The following CLIC5 variants were observed in gnomAD, a reference collection of about 807,000 sequenced individuals.
CLIC5 encodes CLIC family member 5, also known as chloride intracellular channel protein 5.
CLIC5 carries 20 observed loss-of-function variants against 24.7 expected under a neutral mutation model. The observed-to-expected ratio is 0.81, with a 90% CI of 0.57 to 1.18. The LOEUF (loss-of-function observed/expected upper bound fraction) is 1.18. Ranked by LOEUF, CLIC5 falls within the 50% of genes most tolerant of loss-of-function variation. CLIC5 has a pLI of 0.00. For synonymous variants in CLIC5, 159 were observed against 135.6 expected (o/e 1.17, Z -1.20); for missense variants, 341 against 326.1 (o/e 1.05, Z -0.35).
At chr6:46,108,110 G>A in the CLIC5 span, among the ~76,000 whole-genome samples, 12 of 149,068 alleles carry the variant, frequency 8.1e-5, no homozygotes, top group African/African-American at 2.5e-4. Context: ...ATTATAAGAC[G>A]TTAAAAAGGG....
chr6:45,939,217 CTTTTTTT>C (rs34976541), intron 4 of CLIC5, among the ~76,000 whole-genome samples: 58 of 115,790 alleles, frequency 5.0e-4, no homozygotes, highest in African/African-American at 1.2e-3. Flanking sequence ...CTCCTCTCCT[CTTTTTTT>C]TTTTTTTTTT....
chr6:46,049,353 G>A (rs1768041505), intron 1 of CLIC5, among the ~76,000 whole-genome samples: 1 of 152,154 alleles, frequency 6.6e-6, no homozygotes, highest in African/African-American at 2.4e-5. Flanking sequence ...GCTCAAAAAT[G>A]TCCCTGTGAT....
intron 1 of CLIC5, among the ~76,000 whole-genome samples, chr6:45,992,285 T>A (rs982276689): frequency 6.6e-6 from 1 of 152,222 alleles, no homozygotes; most frequent in African/African-American, 2.4e-5. Context: ...TCTAGTGAAA[T>A]GAATTGTTGA....
chr6:45,907,673 G>C (rs1027143113), intron 5 of CLIC5, among the ~76,000 whole-genome samples: 11 of 151,928 alleles, frequency 7.2e-5, no homozygotes, highest in African/African-American at 2.4e-4. Flanking sequence ...CTGGTTGGTA[G>C]GTTTTTTTAA....
chr6:45,986,339 G>A (rs1053956154), intron 1 of CLIC5, among the ~76,000 whole-genome samples: 2 of 152,162 alleles, frequency 1.3e-5, no homozygotes, highest in African/African-American at 4.8e-5. Flanking sequence ...CAGATGGTGA[G>A]GAGCACTAGG....
At chr6:46,097,769 A>G in the CLIC5 span, among the ~76,000 whole-genome samples, 1 of 152,346 alleles carries the variant, frequency 6.6e-6, no homozygotes, top group African/African-American at 2.4e-5. Context: ...CATATCTACA[A>G]TTCTCTATAT....
At chr6:45,915,207 T>G (rs1453421848) in intron 4 of CLIC5, among the ~76,000 whole-genome samples, 1 of 151,966 alleles carries the variant, frequency 6.6e-6, no homozygotes. Flanking sequence ...GGATTACAGG[T>G]GAGAGCCACC....
chr6:45,921,799 C>G (rs940617539), intron 4 of CLIC5, among the ~76,000 whole-genome samples: 2 of 152,158 alleles, frequency 1.3e-5, no homozygotes, highest in African/African-American at 4.8e-5. Flanking sequence ...TTTGCTCTCT[C>G]CAGGCCACAT....
chr6:46,097,649 G>A, the CLIC5 span, among the ~76,000 whole-genome samples: 1 of 152,182 alleles, frequency 6.6e-6, no homozygotes, highest in Non-Finnish European at 1.5e-5. Flanking sequence ...GTATGAAAGA[G>A]ATACTCCAAG....
chr6:46,025,959 C>T (rs915077321), intron 1 of CLIC5, among the ~76,000 whole-genome samples: 1 of 152,138 alleles, frequency 6.6e-6, no homozygotes, highest in Non-Finnish European at 1.5e-5. Context: ...CCTGAGGCCT[C>T]CCAGCCATGT....
chr6:46,070,045 A>G (rs749394956), intron 1 of CLIC5, among the ~76,000 whole-genome samples: 4 of 152,204 alleles, frequency 2.6e-5, no homozygotes, highest in Non-Finnish European at 5.9e-5. Context: ...AAAGCTCTCA[A>G]TAAACTAGGT....
the CLIC5 span, among the ~76,000 whole-genome samples, chr6:46,088,417 G>A: frequency 6.6e-6 from 1 of 152,088 alleles, no homozygotes; most frequent in Admixed American, 6.5e-5. Context: ...TATATACACA[G>A]CTGTCATTTT....
chr6:45,918,993 A>T, intron 4 of CLIC5: 1 of 984,996 alleles, frequency 1.0e-6, no homozygotes, highest in Admixed American at 6.2e-5. Flanking sequence ...CATTCAAACT[A>T]CTCCTGGGAC....
the CLIC5 span, among the ~76,000 whole-genome samples, chr6:46,127,579 A>G: frequency 6.6e-6 from 1 of 152,236 alleles, no homozygotes; most frequent in Non-Finnish European, 1.5e-5. Context: ...TAAATAAGAA[A>G]TTTATGTTAC....
chr6:45,928,788 GT>G (rs1279287484), intron 4 of CLIC5, among the ~76,000 whole-genome samples: 1 of 150,886 alleles, frequency 6.6e-6, no homozygotes, highest in African/African-American at 2.5e-5. Flanking sequence ...GTGTGTGTGT[GT>G]GTGTGTAGAG....
At chr6:45,938,071 C>G (rs931061174) in intron 4 of CLIC5, among the ~76,000 whole-genome samples, 1 of 152,068 alleles carries the variant, frequency 6.6e-6, no homozygotes, top group Non-Finnish European at 1.5e-5. Flanking sequence ...ACAAGAGAAA[C>G]CCTCTAAAGA....
At chr6:45,894,425 G>C (rs1202854540), downstream of CLIC5, among the ~76,000 whole-genome samples, 4 of 152,142 alleles carry the variant, frequency 2.6e-5, no homozygotes, top group East Asian at 7.7e-4. Flanking sequence ...TAAAAAATTA[G>C]AGTGACCTTA....
chr6:46,127,931 C>T, the CLIC5 span, among the ~76,000 whole-genome samples: 1 of 152,154 alleles, frequency 6.6e-6, no homozygotes, highest in East Asian at 1.9e-4. Flanking sequence ...ATATTTACCA[C>T]TAAAGGAACC....
intron 1 of CLIC5, among the ~76,000 whole-genome samples, chr6:46,046,673 T>C (rs1231685971): frequency 1.3e-5 from 2 of 152,212 alleles, no homozygotes; most frequent in South Asian, 4.1e-4. Context: ...TAGAGTAGTT[T>C]TAGCACTCTT....
Sources: gnomAD v4.1 joint callset for allele counts (sites outside exome capture counted in the v4.1 genomes callset) on GRCh38, gnomAD v4.1.1 for gene constraint, MANE v1.5 for transcripts, NCBI Gene and HGNC (gene_info 2026-07-23, HGNC 2026-07-21) for gene names.